ZNF469: variants seen among roughly 807,000 people sequenced by gnomAD.
ZNF469 encodes zinc finger protein 469.
ZNF469 carries 1 observed loss-of-function variant against 1.0 expected under a neutral mutation model. The observed-to-expected ratio is 1.00, with a 90% confidence interval of 0.35 to 4.73. The LOEUF (loss-of-function observed/expected upper bound fraction) is 4.73, where lower values mean the gene tolerates loss of function less well. Among genes scored for constraint, ZNF469 ranks in the 30% most tolerant of loss-of-function variants. The pLI, the probability that ZNF469 is intolerant of heterozygous loss-of-function variation, is 0.16. For missense variants in ZNF469, 6,100 were observed against 5,356.3 expected, an observed-to-expected ratio of 1.14 and a Z score of -4.33; for synonymous variants, 2,703 against 2,363.4, an observed-to-expected ratio of 1.14 and a Z score of -4.17.
chr16:88,223,077 G>A, the ZNF469 span, among the ~76,000 whole-genome samples: 1 of 152,184 alleles, frequency 6.6e-6, no homozygotes, highest in Admixed American at 6.5e-5. Context: ...TTTGTGAGAG[G>A]GAAGAACTGG....
chr16:88,328,548 C>A, the ZNF469 span, among the ~76,000 whole-genome samples: 1 of 152,228 alleles, frequency 6.6e-6, no homozygotes, highest in Non-Finnish European at 1.5e-5. Flanking sequence ...GGAAGCTGAT[C>A]CGATGCACCT....
chr16:88,147,134 G>T, the ZNF469 span, among the ~76,000 whole-genome samples: 2 of 152,086 alleles, frequency 1.3e-5, no homozygotes, highest in Non-Finnish European at 2.9e-5. Context: ...CAAGTCCTTG[G>T]AAGAGGAAGG....
rs1413108962 is a variant in ZNF469, at chr16:88,428,896, C to G, written c.1426C>G (p.Leu476Val). The part of the protein sequence containing the change: ...GQPSPGQRLC[L>V]PQSAPLPWPQ... Reference sequence around the variant, plus strand: ...GCCCAGCCCAGGCCAGCGGCTCTGCCTCCCCCAGAGTGCCCCCCTGCCTTG... The same window carrying G: ...GCCCAGCCCAGGCCAGCGGCTCTGCGTCCCCCAGAGTGCCCCCCTGCCTTG... The change falls in exon 3 of 3, where the codon CTC (leucine) becomes GTC (valine). Residue 476 changes from leucine (L) to valine (V), a missense_variant. Leu to Val is a conservative substitution (Grantham distance 32, BLOSUM62 1). Transcript: ENST00000565624. 5 of 1,547,550 alleles carry G rather than the reference C, an allele frequency of 3.2e-6. No individual in the cohort carries two copies. In the South Asian group the frequency reaches 3.6e-5, roughly 11 times the overall value.
the ZNF469 span, among the ~76,000 whole-genome samples, chr16:88,148,031 G>A: frequency 1.6e-4 from 24 of 151,202 alleles, no homozygotes; most frequent in East Asian, 3.9e-4. Flanking sequence ...TTGTGTGTAC[G>A]CCGGCGGTCA....
At chr16:88,326,064 A>C in the ZNF469 span, among the ~76,000 whole-genome samples, 1 of 152,238 alleles carries the variant, frequency 6.6e-6, no homozygotes, top group Admixed American at 6.5e-5. Context: ...GCCAACCCAG[A>C]GGCCCCAGCA....
At chr16:88,303,476 C>A in the ZNF469 span, among the ~76,000 whole-genome samples, 1 of 152,178 alleles carries the variant, frequency 6.6e-6, no homozygotes, top group Non-Finnish European at 1.5e-5. Context: ...CCCACCACAG[C>A]CTGCAGCAGC....
At chr16:88,151,282 C>T in the ZNF469 span, among the ~76,000 whole-genome samples, 3 of 152,268 alleles carry the variant, frequency 2.0e-5, no homozygotes, top group Non-Finnish European at 2.9e-5. This position sits in a 1 kb window ranked among gnomAD's most constrained non-coding sequence, Gnocchi z 5.4. Context: ...CCAGATCACA[C>T]GGGCGCGGGC....
the ZNF469 span, among the ~76,000 whole-genome samples, chr16:88,210,298 T>C: frequency 2.6e-5 from 4 of 151,992 alleles, no homozygotes; most frequent in Non-Finnish European, 4.4e-5. Flanking sequence ...ATTTCCCCTA[T>C]ATTTGATGTA....
rs1284458209 is a variant in ZNF469, at chr16:88,434,228, C to T, written c.6758C>T (p.Pro2253Leu). The T allele has an allele frequency of 3.2e-6, 5 of 1,550,256 alleles. No homozygotes were observed. The highest frequency in any genetic ancestry group is 4.4e-6 in the Non-Finnish European group (5 of 1,146,976). Residue 2253 changes from proline (P) to leucine (L), a missense_variant, in exon 3 of 3, where the codon CCA becomes CTA. Coordinates refer to ENST00000565624, the MANE Select transcript of ZNF469 (RefSeq NM_001367624.2). ...CCCAAAGACAGCACTTTAAGAATTC[C>T]AGAGGATTCCAGAAAAGAGAAGCTG... ...DTPKDSTLRI[P>L]EDSRKEKLWE...
At position 88,439,513 on chromosome 16, in the gene ZNF469, T is replaced by G; in HGVS notation, c.*181T>G. The stretch of plus-strand genomic sequence containing the variant: ...TTGAACAGGGCCCAGGTGGGCAGCA[T>G]TCCCTTTCTTGCTGGAAGGCTGGGG... On this transcript the variant is annotated 3_prime_UTR_variant, in exon 3 of 3. Coordinates refer to ENST00000565624, the MANE Select transcript of ZNF469 (RefSeq NM_001367624.2). 1.5e-6 allele frequency: 1 copy of G among 686,264 alleles called. No homozygotes were observed. Among genetic ancestry groups the G allele is most frequent in the East Asian group, 2.7e-5 (1 of 36,394 alleles). The allele number at this position is 686,264 out of a possible 1,614,324, so 42.5% of individuals were successfully genotyped here. A position where few individuals can be genotyped will look rare whatever the true frequency, so the allele number is the denominator to read the frequency against.
chr16:88,161,812 G>C, the ZNF469 span, among the ~76,000 whole-genome samples: 2 of 152,148 alleles, frequency 1.3e-5, no homozygotes, highest in South Asian at 4.1e-4. Context: ...GTGAGCTTGC[G>C]TGGCTCGTGG....
the ZNF469 span, among the ~76,000 whole-genome samples, chr16:88,219,408 T>C: frequency 9.8e-5 from 13 of 133,208 alleles, 1 homozygote; most frequent in Non-Finnish European, 2.1e-4. Flanking sequence ...ATGGTACTGG[T>C]ACCAAAACAG....
At chr16:88,331,525 T>C in the ZNF469 span, among the ~76,000 whole-genome samples, 48,796 of 136,246 alleles carry the variant, frequency 0.36, 8,078 homozygotes, top group South Asian at 0.5. Context: ...TCCTCATCAC[T>C]ACCATCACTA....
chr16:88,286,096 G>C, the ZNF469 span, among the ~76,000 whole-genome samples: 1 of 152,228 alleles, frequency 6.6e-6, no homozygotes. Flanking sequence ...CCCATTGCTG[G>C]GGATGGAGCA....
the ZNF469 span, among the ~76,000 whole-genome samples, chr16:88,104,435 T>C: frequency 1.3e-5 from 2 of 151,848 alleles, no homozygotes; most frequent in Admixed American, 1.3e-4. Context: ...TGCATTACCC[T>C]GGACTGAAGC....
rs886052392 is a variant in ZNF469 at position 88,429,345 on chromosome 16, C to G, written c.1875C>G (p.Leu625=). 6.5e-7 allele frequency: 1 copy of G among 1,549,710 alleles called. No individual in the cohort carries two copies. The highest frequency in any genetic ancestry group is 1.4e-5 in the African/African-American group (1 of 73,026). ...ACCCCAGCTCAGAGGAAAGCCAGCT[C>G]CCCGGCCCCCTCGGGCCCTCGGCCT... is the stretch of plus-strand genomic sequence containing the variant. ...PANPSSEESQ[L]PGPLGPSAFF... Residue 625 remains leucine, a synonymous_variant, in exon 3 of 3, where the codon CTC becomes CTG. Coordinates refer to ENST00000565624, the MANE Select transcript of ZNF469 (RefSeq NM_001367624.2).
chr16:88,342,982 C>T, the ZNF469 span, among the ~76,000 whole-genome samples: 1 of 152,210 alleles, frequency 6.6e-6, no homozygotes, highest in South Asian at 2.1e-4. Context: ...ACTGGATGAG[C>T]TTTGTGGGCA....
the ZNF469 span, among the ~76,000 whole-genome samples, chr16:88,195,849 C>G: frequency 2.0e-5 from 3 of 152,330 alleles, no homozygotes; most frequent in East Asian, 1.9e-4. Context: ...TCCATGTCAA[C>G]TGGTCAGGAC....
At position 88,430,329 on chromosome 16, in the gene ZNF469, G is replaced by C; in HGVS notation, c.2859G>C (p.Leu953=). 1.3e-6 allele frequency: 2 copies of C among 1,514,956 alleles called. No individual in the cohort carries two copies. The highest frequency in any genetic ancestry group is 1.8e-6 in the Non-Finnish European group (2 of 1,135,552). 93.8% of individuals were successfully genotyped at this position (1,514,956 alleles called of 1,614,324 possible). ...RQQRRGKQLK[L]FRKDLDSGGA... ...AGAGGAGGGGGAAGCAGTTGAAGCT[G>C]TTCCGGAAGGATCTGGACTCGGGCG... Residue 953 remains leucine (L), a synonymous_variant, in exon 3 of 3, where the codon CTG becomes CTC. Coordinates refer to ENST00000565624, the MANE Select transcript of ZNF469 (RefSeq NM_001367624.2).
Sources: gnomAD v4.1 joint callset for allele counts (sites outside exome capture counted in the v4.1 genomes callset) on GRCh38, gnomAD v4.1.1 for gene constraint, Gnocchi (gnomAD v3.1) non-coding constraint, MANE v1.5 for transcripts, NCBI Gene and HGNC (gene_info 2026-07-23, HGNC 2026-07-21) for gene names.